Variants in CACNB4 observed in about 807,000 individuals in gnomAD.
CACNB4 encodes the protein calcium voltage-gated channel auxiliary subunit beta 4.
A neutral mutation model predicts 71.2 loss-of-function variants in CACNB4; 32 were observed. That is an observed-to-expected ratio of 0.45 (90% CI 0.34 to 0.60). The LOEUF (loss-of-function observed/expected upper bound fraction) is 0.60, where lower values mean the gene tolerates loss of function less well. Ranked by LOEUF, CACNB4 falls within the 20% of genes least tolerant of loss-of-function variation. The pLI is 0.01. For missense variants in CACNB4, 464 were observed against 647.9 expected (o/e 0.72, Z 3.08); for synonymous variants, 231 against 236.9 (o/e 0.97, Z 0.23).
chr2:152,092,876 G>C (rs150764315), intron 2 of CACNB4, among the ~76,000 whole-genome samples: 54 of 151,688 alleles, frequency 3.6e-4, no homozygotes, highest in Admixed American at 9.2e-4. Flanking sequence ...ATATACCTAA[G>C]ATGAAGTCTA....
At chr2:152,088,830 G>A (rs1361402057) in intron 2 of CACNB4, among the ~76,000 whole-genome samples, 15 of 152,148 alleles carry the variant, frequency 9.9e-5, no homozygotes, top group Non-Finnish European at 8.8e-5. Context: ...TTACAAAGGC[G>A]CATGTTTACT....
intron 2 of CACNB4, among the ~76,000 whole-genome samples, chr2:152,037,192 G>C (rs1231807553): frequency 2.0e-5 from 3 of 152,190 alleles, no homozygotes; most frequent in Non-Finnish European, 4.4e-5. Flanking sequence ...GAGAAGCTTG[G>C]TTTGGTTAGA....
At chr2:151,963,311 C>CCA (rs1553795096) in intron 2 of CACNB4, among the ~76,000 whole-genome samples, 5 of 60,400 alleles carry the variant, frequency 8.3e-5, no homozygotes, top group Non-Finnish European at 1.7e-4. Context: ...GACACCGTCT[C>CCA]AAAAAAAAAA....
chr2:152,002,817 T>A (rs755206049), intron 2 of CACNB4, among the ~76,000 whole-genome samples: 1 of 152,344 alleles, frequency 6.6e-6, no homozygotes, highest in South Asian at 2.1e-4. Context: ...GACCAAGGAC[T>A]CAAAAGGAAG....
intron 2 of CACNB4, among the ~76,000 whole-genome samples, chr2:152,040,587 G>A (rs148507338): frequency 0.016 from 2,490 of 152,116 alleles, 44 homozygotes; most frequent in Middle Eastern, 0.044. Flanking sequence ...AATTACAGGC[G>A]CACACCACCA....
intron 2 of CACNB4, among the ~76,000 whole-genome samples, chr2:152,051,021 G>A (rs549392267): frequency 7.9e-5 from 12 of 151,956 alleles, no homozygotes; most frequent in South Asian, 4.2e-4. Flanking sequence ...TGCGCACCTC[G>A]GCCTCCCAAG....
At chr2:151,840,728 T>C (rs2099835980) in intron 13 of CACNB4, among the ~76,000 whole-genome samples, 2 of 152,322 alleles carry the variant, frequency 1.3e-5, no homozygotes, top group East Asian at 1.9e-4. Flanking sequence ...ACAGCTATAA[T>C]AGCATTTCAG....
intron 2 of CACNB4, among the ~76,000 whole-genome samples, chr2:152,046,308 T>C (rs982044997): frequency 1.3e-5 from 2 of 152,146 alleles, no homozygotes; most frequent in African/African-American, 4.8e-5. Flanking sequence ...AAAGACAGCT[T>C]ATTAGAAACA....
At chr2:152,013,258 G>A (rs986627834) in intron 2 of CACNB4, among the ~76,000 whole-genome samples, 1 of 152,152 alleles carries the variant, frequency 6.6e-6, no homozygotes. Context: ...GTACATGACT[G>A]TACAGAGTTT....
intron 2 of CACNB4, among the ~76,000 whole-genome samples, chr2:151,991,461 C>A (rs925464090): frequency 2.0e-5 from 3 of 152,174 alleles, no homozygotes; most frequent in African/African-American, 7.2e-5. Flanking sequence ...GAGCACTGAG[C>A]CAGATGACTT....
intron 2 of CACNB4, among the ~76,000 whole-genome samples, chr2:152,070,036 G>T (rs1015620514): frequency 4.0e-5 from 6 of 151,736 alleles, no homozygotes; most frequent in African/African-American, 1.2e-4. Flanking sequence ...TTAGAGACAG[G>T]GTTTCACCGT....
At chr2:151,922,278 T>C (rs1386571236) in intron 2 of CACNB4, among the ~76,000 whole-genome samples, 3 of 152,188 alleles carry the variant, frequency 2.0e-5, no homozygotes, top group African/African-American at 7.2e-5. Flanking sequence ...TCATAGCTCA[T>C]TGCAGCCTCA....
intron 2 of CACNB4, among the ~76,000 whole-genome samples, chr2:151,940,106 A>G (rs2099863871): frequency 6.6e-6 from 1 of 152,228 alleles, no homozygotes; most frequent in Non-Finnish European, 1.5e-5. Flanking sequence ...TAACATAAAT[A>G]TATGTGCACA....
chr2:151,849,456 G>A (rs902142472), intron 12 of CACNB4, among the ~76,000 whole-genome samples: 9 of 152,074 alleles, frequency 5.9e-5, no homozygotes, highest in Non-Finnish European at 1.2e-4. Context: ...TGTCTCCCAG[G>A]TTAAAGGGCA....
chr2:151,944,343 G>A (rs1285756572), intron 2 of CACNB4, among the ~76,000 whole-genome samples: 1 of 152,088 alleles, frequency 6.6e-6, no homozygotes, highest in African/African-American at 2.4e-5. Context: ...TCCGGCCTGG[G>A]ATTGTACTTT....
chr2:152,010,718 G>T (rs938573700), intron 2 of CACNB4, among the ~76,000 whole-genome samples: 2 of 152,200 alleles, frequency 1.3e-5, no homozygotes, highest in Non-Finnish European at 2.9e-5. Context: ...GCATCTGAGG[G>T]CAAAGCCTGG....
At chr2:151,974,101 G>C (rs371840237) in intron 2 of CACNB4, 1 of 318,950 alleles carries the variant, frequency 3.1e-6, no homozygotes, top group African/African-American at 2.2e-5. Context: ...TTCCTGTTTC[G>C]CCTGTATTGT....
chr2:151,919,491 G>A (rs2151564696), intron 2 of CACNB4, among the ~76,000 whole-genome samples: 1 of 152,298 alleles, frequency 6.6e-6, no homozygotes, highest in African/African-American at 2.4e-5. Context: ...GTCACCTCCA[G>A]GGTGAGATTG....
At chr2:152,046,426 ATC>A (rs1236048213) in intron 2 of CACNB4, among the ~76,000 whole-genome samples, 1 of 152,210 alleles carries the variant, frequency 6.6e-6, no homozygotes, top group Non-Finnish European at 1.5e-5. Flanking sequence ...TAAGATGATA[ATC>A]TCTCTATAAT....
Sources: allele counts gnomAD v4.1 joint callset (sites outside exome capture counted in the v4.1 genomes callset), GRCh38; gene constraint gnomAD v4.1.1; transcripts MANE v1.5; gene names NCBI Gene and HGNC (gene_info 2026-07-23, HGNC 2026-07-21).